Variants in PAX2 observed in about 807,000 individuals in gnomAD.
PAX2 encodes paired box protein Pax-2.
Under a neutral mutation model 41.7 loss-of-function variants are expected in PAX2, and 9 were observed. The observed-to-expected ratio is 0.22, with a 90% CI of 0.13 to 0.38. PAX2 has a LOEUF of 0.38. Ranked by LOEUF, PAX2 falls within the 10% of genes least tolerant of loss-of-function variation. The pLI is 1.00. For synonymous variants in PAX2, 221 were observed against 212.7 expected (o/e 1.04, Z -0.34); for missense variants, 418 against 531.6 (o/e 0.79, Z 2.10).
At chr10:100,814,287 G>C (rs1029736248) in intron 7 of PAX2, among the ~76,000 whole-genome samples, 3 of 133,482 alleles carry the variant, frequency 2.2e-5, no homozygotes, top group Non-Finnish European at 3.1e-5. Context: ...AGAAGGCAGA[G>C]CTTGCAGTGA....
At chr10:100,790,618 CT>C (rs1380844402) in intron 5 of PAX2, among the ~76,000 whole-genome samples, 1 of 152,252 alleles carries the variant, frequency 6.6e-6, no homozygotes, top group Non-Finnish European at 1.5e-5. Context: ...GCCTCTTCCT[CT>C]GCAGACAAGC....
chr10:100,749,330 G>C (rs891926356), intron 1 of PAX2: 2 of 1,010,448 alleles, frequency 2.0e-6, no homozygotes, highest in Non-Finnish European at 2.4e-6. Flanking sequence ...ACAGCTCCCG[G>C]GTTGCCTGCG....
At chr10:100,745,484 G>A (rs1032771378), upstream of PAX2, among the ~76,000 whole-genome samples, 6 of 152,150 alleles carry the variant, frequency 3.9e-5, no homozygotes, top group Non-Finnish European at 8.8e-5. Flanking sequence ...TATTGCCTTT[G>A]TCTGACAAGT....
In PAX2 at chr10:100,823,397, A is replaced by G. The variant is rs182542494; in HGVS notation, c.920-1251A>G. 2.6e-5 allele frequency among the ~76,000 whole-genome samples: 4 copies of G among 152,330 alleles called. No individual in the cohort carries two copies. The East Asian group carries it at 7.7e-4, about 29-fold the overall frequency. On this transcript the variant is annotated intron_variant, in intron 7 of 9. Coordinates refer to ENST00000355243, the MANE Select transcript of PAX2 (RefSeq NM_000278.5). Reference sequence around the variant, plus strand: ...TGTCAAGGTAGGGATGAGGAAACTCATACAGCTCTGGAATGCAGGGAGGTG... The same window carrying G: ...TGTCAAGGTAGGGATGAGGAAACTCGTACAGCTCTGGAATGCAGGGAGGTG...
chr10:100,786,642 G>C (rs536315351), intron 5 of PAX2, among the ~76,000 whole-genome samples: 1 of 152,216 alleles, frequency 6.6e-6, no homozygotes, highest in South Asian at 2.1e-4. Context: ...CTGTGTGAGC[G>C]GGGAGAGCTC....
At chr10:100,821,937 C>T (rs781173818) in intron 7 of PAX2, among the ~76,000 whole-genome samples, 1 of 152,148 alleles carries the variant, frequency 6.6e-6, no homozygotes, top group Non-Finnish European at 1.5e-5. Flanking sequence ...TGTCCTGGGC[C>T]TTTCTCTTTT....
chr10:100,823,784 A>G (rs1464859848), intron 7 of PAX2, among the ~76,000 whole-genome samples: 1 of 152,144 alleles, frequency 6.6e-6, no homozygotes, highest in African/African-American at 2.4e-5. Context: ...TGGAGGATGC[A>G]GGCAAGGTAG....
chr10:100,749,003 T>C (rs2133831137), intron 1 of PAX2: 2 of 985,400 alleles, frequency 2.0e-6, no homozygotes, highest in Non-Finnish European at 2.4e-6. Flanking sequence ...TGCCTCCCTG[T>C]CTCTGAGCGC....
At chr10:100,794,840 C>T (rs1847264650) in intron 5 of PAX2, among the ~76,000 whole-genome samples, 1 of 143,344 alleles carries the variant, frequency 7.0e-6, no homozygotes, top group African/African-American at 2.6e-5. Flanking sequence ...AGGTCTACCC[C>T]ATTCTGCACT....
rs374236253 is a variant in PAX2, at chr10:100,750,715, C to A, written c.234C>A (p.Ile78=). 10 of 1,614,074 alleles carry A rather than the reference C, an allele frequency of 6.2e-6. No homozygotes were observed. The highest frequency in any genetic ancestry group is 7.6e-6 in the Non-Finnish European group (9 of 1,180,028). The change falls in exon 3 of 10, where the codon ATC becomes ATA. Residue 78 remains isoleucine (I), a synonymous_variant. Transcript: ENST00000355243. This position sits in a 1 kb window ranked among gnomAD's most constrained non-coding sequence, Gnocchi z 4.1. ...ILGRYYETGS[I]KPGVIGGSKP... ...GCAGGTACTACGAGACCGGCAGCAT[C>A]AAGCCGGGTGTGATCGGTGGCTCCA...
intron 3 of PAX2, among the ~76,000 whole-genome samples, chr10:100,769,277 C>G (rs112153793): frequency 2.6e-4 from 39 of 152,316 alleles, no homozygotes; most frequent in African/African-American, 8.9e-4. Flanking sequence ...GTGCTTTGCA[C>G]AGTGCCTGGT....
intron 6 of PAX2, among the ~76,000 whole-genome samples, chr10:100,808,709 A>C (rs934671459): frequency 6.6e-6 from 1 of 152,098 alleles, no homozygotes; most frequent in African/African-American, 2.4e-5. Flanking sequence ...TGAAGGCCCC[A>C]CTAGGCCCTT....
At position 100,748,074 on chromosome 10, in the gene PAX2, C is replaced by A; in HGVS notation, c.44-1672C>A. 1 of 985,046 alleles carries A rather than the reference C, an allele frequency of 1.0e-6. No individual in the cohort carries two copies. The highest frequency in any genetic ancestry group is 1.7e-5 in the African/African-American group (1 of 57,282). The allele number at this position is 985,046 out of a possible 1,614,324, so 61.0% of individuals were successfully genotyped here. A position where few individuals can be genotyped will look rare whatever the true frequency, so the allele number is the denominator to read the frequency against. Reference sequence around the variant, plus strand: ...GCTGGCGGCCGTGGCGCATTCCAGGCCCGACTCAGCGCCGACTCGCTGCAG... The same window carrying A: ...GCTGGCGGCCGTGGCGCATTCCAGGACCGACTCAGCGCCGACTCGCTGCAG... On this transcript the variant is annotated intron_variant, in intron 1 of 9. Coordinates refer to ENST00000355243, the MANE Select transcript of PAX2 (RefSeq NM_000278.5). The surrounding 1 kb of genome is among the most constrained non-coding windows in gnomAD (Gnocchi z 5.0).
In PAX2 at chr10:100,786,702, C is replaced by T. The variant is rs72843858; in HGVS notation, c.616+5337C>T. ...CGCCCATGGTCCTGGGCACAGGCATCACCCTACCTTCTGCTGATAAAGGGA... is the reference window on the plus strand; with the variant it reads ...CGCCCATGGTCCTGGGCACAGGCATTACCCTACCTTCTGCTGATAAAGGGA... On this transcript the variant is annotated intron_variant, in intron 5 of 9. Coordinates refer to ENST00000355243, the MANE Select transcript of PAX2 (RefSeq NM_000278.5). Among the ~76,000 whole-genome samples, 6,222 of 152,252 alleles carry T rather than the reference C, an allele frequency of 0.041. 189 individuals are homozygous for T. Among genetic ancestry groups the T allele is most frequent in the Non-Finnish European group, 0.064 (4,331 of 68,000 alleles).
rs4919500 is a variant in PAX2 at position 100,820,202 on chromosome 10, T to C, written c.920-4446T>C. ...ACAGCCATGACGATATGAGACTTTGTTTGTCAGATGACTTCTTTTCCTTTT... is the reference window on the plus strand; with the variant it reads ...ACAGCCATGACGATATGAGACTTTGCTTGTCAGATGACTTCTTTTCCTTTT... On this transcript the variant is annotated intron_variant, in intron 7 of 9. Transcript: ENST00000355243. Among the ~76,000 whole-genome samples the C allele has an allele frequency of 2.8e-3, 421 of 152,360 alleles. 10 individuals are homozygous for C. The East Asian group carries it at 0.047, about 17-fold the overall frequency.
chr10:100,751,709 T>C lies in PAX2; in HGVS notation c.410+818T>C, dbSNP rs1316972478. Among the ~76,000 whole-genome samples, 3 of 152,146 alleles carry C rather than the reference T, an allele frequency of 2.0e-5. No individual in the cohort carries two copies. In the East Asian group the frequency reaches 5.8e-4, roughly 29 times the overall value. On this transcript the variant is annotated intron_variant, in intron 3 of 9. Coordinates refer to ENST00000355243, the MANE Select transcript of PAX2 (RefSeq NM_000278.5). ...GGGGAGAACACATGTGCACACTCCA[T>C]GCATGTCCACCCTAGCCAGTGTGCC...
In PAX2 at chr10:100,828,356, C is replaced by T. The variant is rs891113562; in HGVS notation, c.*737C>T. 4.3e-6 allele frequency: 1 copy of T among 233,094 alleles called. No individual in the cohort carries two copies. Among genetic ancestry groups the T allele is most frequent in the African/African-American group, 2.2e-5 (1 of 45,284 alleles). 14.4% of individuals were successfully genotyped at this position (233,094 alleles called of 1,614,324 possible). A position where few individuals can be genotyped will look rare whatever the true frequency, so the allele number is the denominator to read the frequency against. ...CACCGATCGAGCCGGACTCTCGGCT[C>T]TTCACTGCTCCTCCTGGCCTGCCTA... On this transcript the variant is annotated 3_prime_UTR_variant, in exon 10 of 10. Transcript: ENST00000355243. This position sits in a 1 kb window ranked among gnomAD's most constrained non-coding sequence, Gnocchi z 6.5.
intron 7 of PAX2, among the ~76,000 whole-genome samples, chr10:100,818,453 A>G (rs1848261551): frequency 6.6e-6 from 1 of 152,204 alleles, no homozygotes; most frequent in African/African-American, 2.4e-5. Context: ...AGTAGTTGCA[A>G]ACAAATCAGT....
At chr10:100,744,216 C>T (rs1049860897), upstream of PAX2, among the ~76,000 whole-genome samples, 4 of 152,158 alleles carry the variant, frequency 2.6e-5, no homozygotes, top group Admixed American at 1.3e-4. Context: ...GCGGGGCGCC[C>T]GGAGCTGCAG....
Sources: allele counts gnomAD v4.1 joint callset (sites outside exome capture counted in the v4.1 genomes callset), GRCh38; gene constraint gnomAD v4.1.1; non-coding constraint Gnocchi (gnomAD v3.1); transcripts MANE v1.5; gene names NCBI Gene and HGNC (gene_info 2026-07-23, HGNC 2026-07-21).